ACO2: variants seen among roughly 807,000 people sequenced by gnomAD.
ACO2 encodes aconitase 2.
A neutral mutation model predicts 84.5 loss-of-function variants in ACO2; 31 were observed. That is an observed-to-expected ratio of 0.37 (90% confidence interval 0.28 to 0.50). The LOEUF is 0.50. Among genes scored for constraint, ACO2 ranks in the 20% least tolerant of loss-of-function variants. The probability of loss-of-function intolerance (pLI) is 0.97; values close to 1 mark genes in which losing one functional copy is unlikely to be tolerated. For synonymous variants in ACO2, 414 were observed against 412.7 expected, an observed-to-expected ratio of 1.00 and a Z score of -0.04; for missense variants, 685 against 1,029.3, an observed-to-expected ratio of 0.67 and a Z score of 4.58.
chr22:41,507,723 G>A, intron 2 of ACO2, 68 bp from the exon 3 acceptor site: 2 of 1,559,280 alleles, frequency 1.3e-6, no homozygotes, highest in Non-Finnish European at 1.7e-6. Flanking sequence ...TGGACTGAGA[G>A]GGAGAGGCAG....
At chr22:41,492,949 AAAG>A (rs1452592515) in intron 1 of ACO2, among the ~76,000 whole-genome samples, 1 of 152,088 alleles carries the variant, frequency 6.6e-6, no homozygotes, top group African/African-American at 2.4e-5. Flanking sequence ...CGTCTCAAAA[AAAG>A]AAAAGAAAAG....
chr22:41,526,737 G>T lies in ACO2; in HGVS notation c.1953+284G>T, dbSNP rs1042774005. On this transcript the variant is annotated intron_variant, in intron 15 of 17. Transcript: ENST00000216254. ...AAGACAAGGAAGGGGGCCGACTCAGGAAGTCAGAGGCCAAAAGCTCAGAGA... is the reference window on the plus strand; with the variant it reads ...AAGACAAGGAAGGGGGCCGACTCAGTAAGTCAGAGGCCAAAAGCTCAGAGA... The T allele has an allele frequency of 1.3e-5, 5 of 391,468 alleles. No homozygotes were observed. The East Asian group carries it at 1.3e-4, about 10-fold the overall frequency. The allele number at this position is 391,468 out of a possible 1,614,324, so 24.2% of individuals were successfully genotyped here. A position where few individuals can be genotyped will look rare whatever the true frequency, so the allele number is the denominator to read the frequency against.
intron 1 of ACO2, among the ~76,000 whole-genome samples, chr22:41,478,407 A>G (rs2038045716): frequency 6.6e-6 from 1 of 152,156 alleles, no homozygotes; most frequent in South Asian, 2.1e-4. Context: ...GCTTCCCAAA[A>G]TATTGAGATT....
intron 4 of ACO2, among the ~76,000 whole-genome samples, chr22:41,514,722 C>T (rs1370416967): frequency 6.6e-6 from 1 of 152,208 alleles, no homozygotes; most frequent in Non-Finnish European, 1.5e-5. Flanking sequence ...GTGCTCCCCA[C>T]GGCTGGGAGG....
At chr22:41,523,111 C>G in intron 10 of ACO2, 94 bp from the exon 11 acceptor site, 1 of 1,539,300 alleles carries the variant, frequency 6.5e-7, no homozygotes, top group Non-Finnish European at 8.9e-7. Context: ...CCCTGGGGTT[C>G]CAGTACAGCA....
At chr22:41,503,441 C>G (rs1470377179) in intron 2 of ACO2, among the ~76,000 whole-genome samples, 1 of 152,114 alleles carries the variant, frequency 6.6e-6, no homozygotes, top group Non-Finnish European at 1.5e-5. Flanking sequence ...AGTGATTCTC[C>G]TGCCTCAGCC....
chr22:41,512,058 G>C, intron 4 of ACO2, 90 bp downstream of exon 4: 1 of 943,636 alleles, frequency 1.1e-6, no homozygotes, highest in Non-Finnish European at 1.5e-6. Context: ...AGGCCCAGGG[G>C]GGCTGAGGGG....
chr22:41,510,027 G>A (rs985905001), intron 3 of ACO2, among the ~76,000 whole-genome samples: 5 of 151,922 alleles, frequency 3.3e-5, no homozygotes, highest in African/African-American at 1.2e-4. Context: ...CTAGAGACAG[G>A]GTTTCACCAC....
intron 3 of ACO2, among the ~76,000 whole-genome samples, chr22:41,509,008 ATCCTGGC>A (rs1201412234): frequency 6.6e-6 from 1 of 152,142 alleles, no homozygotes; most frequent in Non-Finnish European, 1.5e-5. Context: ...CCCTGGTGGT[ATCCTGGC>A]TCCACAGTGG....
intron 1 of ACO2, among the ~76,000 whole-genome samples, chr22:41,473,280 G>A (rs961666929): frequency 1.3e-5 from 2 of 152,180 alleles, no homozygotes; most frequent in Non-Finnish European, 2.9e-5. Context: ...CAAGGCAGAT[G>A]CATCACCTGA....
chr22:41,506,214 C>T (rs1002293078), intron 2 of ACO2, among the ~76,000 whole-genome samples: 14 of 151,396 alleles, frequency 9.2e-5, no homozygotes, highest in African/African-American at 1.9e-4. Context: ...CAGCCTCCTG[C>T]GTAGTTGGGA....
At chr22:41,482,720 A>G (rs1338778411) in intron 1 of ACO2, among the ~76,000 whole-genome samples, 4 of 152,218 alleles carry the variant, frequency 2.6e-5, no homozygotes, top group African/African-American at 9.7e-5. Context: ...GTCATGTGCC[A>G]GGCACTGGTC....
intron 1 of ACO2, among the ~76,000 whole-genome samples, chr22:41,485,314 T>C (rs1045195555): frequency 6.6e-6 from 1 of 151,926 alleles, no homozygotes; most frequent in Admixed American, 6.6e-5. Context: ...TTGTCTTTTT[T>C]TTCGAGATGG....
At chr22:41,497,787 A>T (rs1209128099) in intron 1 of ACO2, among the ~76,000 whole-genome samples, 1 of 151,214 alleles carries the variant, frequency 6.6e-6, no homozygotes, top group Non-Finnish European at 1.5e-5. Flanking sequence ...GGAGGCTGAG[A>T]CAGGAGAGTT....
intron 1 of ACO2, among the ~76,000 whole-genome samples, chr22:41,481,499 G>A (rs1362257578): frequency 6.6e-6 from 1 of 152,240 alleles, no homozygotes; most frequent in Non-Finnish European, 1.5e-5. Context: ...AAGCCTGCCC[G>A]AGAATAGGTC....
chr22:41,484,545 AT>A (rs999720452), intron 1 of ACO2, among the ~76,000 whole-genome samples: 25 of 150,586 alleles, frequency 1.7e-4, no homozygotes, highest in Admixed American at 2.7e-4. Context: ...AATTCTGGTA[AT>A]TTTTTTTTTA....
At chr22:41,483,819 G>A (rs929292299) in intron 1 of ACO2, among the ~76,000 whole-genome samples, 4 of 152,084 alleles carry the variant, frequency 2.6e-5, no homozygotes, top group East Asian at 3.9e-4. Flanking sequence ...CTCTCAAAAC[G>A]ACAGTAATCT....
rs147429703 is a variant in ACO2 at position 41,503,620 on chromosome 22, C to A, written c.173+3758C>A. Among the ~76,000 whole-genome samples, 79 of 152,296 alleles carry A rather than the reference C, an allele frequency of 5.2e-4. 1 individual carries two copies. In the East Asian group the frequency reaches 0.015, roughly 28 times the overall value. ...CTGAGGTGACAGGTGTGAGCCACCACACCTGGTCTGTTCTCTGTTTTCATT... is the reference window on the plus strand; with the variant it reads ...CTGAGGTGACAGGTGTGAGCCACCAAACCTGGTCTGTTCTCTGTTTTCATT... On this transcript the variant is annotated intron_variant, in intron 2 of 17. Transcript: ENST00000216254.
intron 11 of ACO2, 102 bp downstream of exon 11, chr22:41,523,380 C>A: frequency 1.1e-6 from 1 of 898,858 alleles, no homozygotes; most frequent in Non-Finnish European, 1.7e-6. Flanking sequence ...AGACTCCAGC[C>A]AAGGTCTCTA....
Sources: allele counts gnomAD v4.1 joint callset (sites outside exome capture counted in the v4.1 genomes callset), GRCh38; gene constraint gnomAD v4.1.1; transcripts MANE v1.5; gene names NCBI Gene and HGNC (gene_info 2026-07-23, HGNC 2026-07-21).